GTPBP10: variants seen among roughly 807,000 people sequenced by gnomAD.
The protein encoded by GTPBP10 is GTP-binding protein 10.
GTPBP10 carries 38 observed loss-of-function variants against 44.8 expected under a neutral mutation model. The ratio of observed to expected loss-of-function variants is 0.85; its 90% CI spans 0.65 to 1.11. The LOEUF (loss-of-function observed/expected upper bound fraction) is 1.11. Among genes scored for constraint, GTPBP10 ranks in the 50% most tolerant of loss-of-function variants. GTPBP10 has a pLI of 0.00. For missense variants in GTPBP10, 462 were observed against 453.7 expected (o/e 1.02, Z -0.17); for synonymous variants, 152 against 150.6 (o/e 1.01, Z -0.07).
At chr7:90,356,350 T>G (rs962137123) in intron 4 of GTPBP10, among the ~76,000 whole-genome samples, 1 of 152,252 alleles carries the variant, frequency 6.6e-6, no homozygotes, top group Admixed American at 6.5e-5. Context: ...ATGTAAGTTC[T>G]ATAATCCTCT....
rs201041507 is a variant in GTPBP10 at position 90,355,239 on chromosome 7, C to A, written c.464+9C>A. 1.4e-6 allele frequency: 2 copies of A among 1,481,474 alleles called. No individual in the cohort carries two copies. Among genetic ancestry groups the A allele is most frequent in the South Asian group, 2.8e-5 (2 of 71,428 alleles). The allele number at this position is 1,481,474 out of a possible 1,614,324, so 91.8% of individuals were successfully genotyped here. On this transcript the variant is annotated intron_variant, in intron 4 of 9. Transcript: ENST00000222511. ...GATGTAGGCCTAGTAGGGTAAGTAT[C>A]GTTCATATTTTTATTATTATACTTT...
In GTPBP10 at chr7:90,371,158, G is replaced by C. The variant is rs1329331513; in HGVS notation, c.465-997G>C. The C allele has an allele frequency of 3.2e-6, 3 of 946,818 alleles. No individual in the cohort carries two copies. The African/African-American group carries it at 5.3e-5, about 17-fold the overall frequency. The allele number at this position is 946,818 out of a possible 1,614,324, so 58.7% of individuals were successfully genotyped here. ...AAAAACAAATAATACACACTTGTTT[G>C]CATAAAGAAAAAGTTGTCTATGAAT... On this transcript the variant is annotated intron_variant, in intron 4 of 9. Coordinates refer to ENST00000222511, the MANE Select transcript of GTPBP10 (RefSeq NM_033107.4).
In GTPBP10 at chr7:90,388,463, T is replaced by C. The variant is rs78911720; in HGVS notation, c.*3309T>C. On this transcript the variant is annotated 3_prime_UTR_variant, in exon 10 of 10. Transcript: ENST00000222511. ...CAGATTTATTTACCATCATGAAATA[T>C]GTTTATACAGTATTAAGTATATTGT... 6.6e-6 allele frequency: 1 copy of C among 151,698 alleles called. No homozygotes were observed. Among genetic ancestry groups the C allele is most frequent in the Non-Finnish European group, 1.5e-5 (1 of 67,924 alleles). 9.4% of individuals were successfully genotyped at this position (151,698 alleles called of 1,614,324 possible).
At chr7:90,381,196 G>A (rs889193787) in intron 8 of GTPBP10, among the ~76,000 whole-genome samples, 5 of 152,070 alleles carry the variant, frequency 3.3e-5, no homozygotes, top group Admixed American at 6.6e-5. Context: ...TTAATTTTTT[G>A]AGAAATCTTT....
At chr7:90,376,411 G>A (rs143200294) in intron 6 of GTPBP10, among the ~76,000 whole-genome samples, 4 of 152,228 alleles carry the variant, frequency 2.6e-5, no homozygotes, top group African/African-American at 4.8e-5. Flanking sequence ...TACAACTTGG[G>A]TTTGTCGAGT....
rs148723281 is a variant in GTPBP10, at chr7:90,377,693, A to G, written c.699+79A>G. 4.3e-6 allele frequency: 4 copies of G among 932,082 alleles called. No individual in the cohort carries two copies. In the Admixed American group the frequency reaches 9.7e-5, roughly 23 times the overall value. The allele number at this position is 932,082 out of a possible 1,614,324, so 57.7% of individuals were successfully genotyped here. Reference sequence around the variant, plus strand: ...TTAGTTTTTCTAGAATTTTTTTATAAATAAGAAAGTGGTAGCATATGTTAC... The same window carrying G: ...TTAGTTTTTCTAGAATTTTTTTATAGATAAGAAAGTGGTAGCATATGTTAC... On this transcript the variant is annotated intron_variant, in intron 7 of 9. Coordinates refer to ENST00000222511, the MANE Select transcript of GTPBP10 (RefSeq NM_033107.4).
chr7:90,358,154 A>T (rs1441846987), intron 4 of GTPBP10, among the ~76,000 whole-genome samples: 1 of 152,198 alleles, frequency 6.6e-6, no homozygotes, highest in Non-Finnish European at 1.5e-5. Context: ...CCAAGCTGAG[A>T]ATTAAATCAA....
intron 4 of GTPBP10, among the ~76,000 whole-genome samples, chr7:90,360,802 T>A (rs971363793): frequency 6.6e-6 from 1 of 152,210 alleles, no homozygotes; most frequent in African/African-American, 2.4e-5. Flanking sequence ...GTTTGTGTCC[T>A]CTTTTATTTC....
chr7:90,366,202 C>T (rs1337251566), intron 4 of GTPBP10, among the ~76,000 whole-genome samples: 1 of 151,844 alleles, frequency 6.6e-6, no homozygotes, highest in Non-Finnish European at 1.5e-5. Flanking sequence ...TGATGTTCGT[C>T]AGGGATATTG....
intron 1 of GTPBP10, among the ~76,000 whole-genome samples, chr7:90,347,002 T>A (rs1364414082): frequency 1.3e-5 from 2 of 152,184 alleles, no homozygotes; most frequent in Non-Finnish European, 2.9e-5. Context: ...GGGTTTGAAG[T>A]TCTTTAGAGA....
At chr7:90,352,499 A>G (rs1795809507) in intron 1 of GTPBP10, among the ~76,000 whole-genome samples, 2 of 152,224 alleles carry the variant, frequency 1.3e-5, no homozygotes, top group African/African-American at 4.8e-5. Flanking sequence ...CACCTAGGTG[A>G]TGGTTATTGG....
chr7:90,376,720 T>G (rs1796350469), intron 6 of GTPBP10, among the ~76,000 whole-genome samples: 1 of 152,202 alleles, frequency 6.6e-6, no homozygotes, highest in Non-Finnish European at 1.5e-5. Flanking sequence ...TTTGTAAGAA[T>G]GGTCGATAAT....
Position 90,377,542 on chromosome 7 carries a change from A to G in GTPBP10, c.627A>G (p.Gly209=). The part of the protein sequence containing the change: ...SVADLPGLIE[G]AHMNKGMGHK... ...CTGATCTTCCGGGTTTAATAGAAGG[A>G]GCACATATGAACAAAGGAATGGGCC... Residue 209 remains glycine, a synonymous_variant, in exon 7 of 10, where the codon GGA becomes GGG. Transcript: ENST00000222511. The G allele has an allele frequency of 6.2e-7, 1 of 1,610,832 alleles. No individual in the cohort carries two copies. The highest frequency in any genetic ancestry group is 1.7e-4 in the Middle Eastern group (1 of 6,052).
chr7:90,369,538 C>G (rs972000106), intron 4 of GTPBP10, among the ~76,000 whole-genome samples: 1 of 152,210 alleles, frequency 6.6e-6, no homozygotes, highest in Non-Finnish European at 1.5e-5. Context: ...TACCCCTCCA[C>G]CTGCCAAGCT....
chr7:90,353,113 A>G (rs1406490840), intron 2 of GTPBP10, 104 bp downstream of exon 2: 1 of 719,740 alleles, frequency 1.4e-6, no homozygotes, highest in African/African-American at 1.8e-5. Flanking sequence ...GAAGTAAATT[A>G]TTTCCTGTAT....
intron 4 of GTPBP10, chr7:90,371,062 T>A: frequency 6.4e-6 from 1 of 155,728 alleles, no homozygotes; most frequent in Non-Finnish European, 1.4e-5. Flanking sequence ...TATGAGCTAT[T>A]AAGCTATGAA....
intron 4 of GTPBP10, among the ~76,000 whole-genome samples, chr7:90,368,750 T>C (rs956808428): frequency 3.9e-5 from 6 of 152,232 alleles, no homozygotes; most frequent in African/African-American, 1.4e-4. Flanking sequence ...TCTCCTTAGC[T>C]CAGTGAAGTT....
intron 1 of GTPBP10, among the ~76,000 whole-genome samples, chr7:90,352,301 G>C (rs1226500903): frequency 6.6e-6 from 1 of 152,246 alleles, no homozygotes; most frequent in African/African-American, 2.4e-5. Context: ...ACCTGGGGAA[G>C]AGTTTGGTTT....
intron 1 of GTPBP10, among the ~76,000 whole-genome samples, chr7:90,347,779 G>T (rs904698987): frequency 5.9e-5 from 9 of 152,186 alleles, no homozygotes; most frequent in African/African-American, 2.2e-4. Flanking sequence ...TTGGAAAGAC[G>T]TTAGAAAATA....
Sources: gnomAD v4.1 joint callset for allele counts (sites outside exome capture counted in the v4.1 genomes callset) on GRCh38, gnomAD v4.1.1 for gene constraint, MANE v1.5 for transcripts, NCBI Gene and HGNC (gene_info 2026-07-23, HGNC 2026-07-21) for gene names.